The following PCDH15 variants were observed in gnomAD, a reference collection of about 807,000 sequenced individuals.
The protein encoded by PCDH15 is protocadherin-15.
A neutral mutation model predicts 178.5 loss-of-function variants in PCDH15; 129 were observed. The ratio of observed to expected loss-of-function variants is 0.72; its 90% CI spans 0.63 to 0.84. The LOEUF is 0.84. Ranked by LOEUF, PCDH15 falls within the 40% of genes least tolerant of loss-of-function variation. The probability of loss-of-function intolerance (pLI) is 0.00; values close to 1 mark genes in which losing one functional copy is unlikely to be tolerated. For missense variants in PCDH15, 2,230 were observed against 2,099.9 expected (o/e 1.06, Z -1.21); for synonymous variants, 800 against 732.0 (o/e 1.09, Z -1.50).
intron 2 of PCDH15, among the ~76,000 whole-genome samples, chr10:55,595,695 T>C (rs1184928281): frequency 6.6e-6 from 1 of 152,110 alleles, no homozygotes; most frequent in Non-Finnish European, 1.5e-5. Flanking sequence ...AGAGAATTCA[T>C]CCTGGCGTTA....
chr10:55,426,508 G>T (rs1255342582), intron 2 of PCDH15, among the ~76,000 whole-genome samples: 1 of 152,148 alleles, frequency 6.6e-6, no homozygotes, highest in African/African-American at 2.4e-5. Context: ...CTGTGGGGGT[G>T]CCCGCAAACC....
intron 8 of PCDH15, among the ~76,000 whole-genome samples, chr10:54,238,265 A>T (rs2134405963): frequency 6.6e-6 from 1 of 152,242 alleles, no homozygotes; most frequent in East Asian, 1.9e-4. Flanking sequence ...GTACTTTTAT[A>T]CAAAACCAGT....
intron 2 of PCDH15, among the ~76,000 whole-genome samples, chr10:55,154,346 C>T (rs1028721039): frequency 6.6e-6 from 1 of 151,998 alleles, no homozygotes; most frequent in Non-Finnish European, 1.5e-5. Context: ...TTAGGGATAA[C>T]GTGTATTCAT....
intron 13 of PCDH15, among the ~76,000 whole-genome samples, chr10:54,167,065 A>G (rs994136139): frequency 5.3e-5 from 8 of 152,134 alleles, no homozygotes; most frequent in Non-Finnish European, 8.8e-5. Context: ...CCTGGGTGAA[A>G]TAAACAGCCA....
At chr10:54,242,146 A>G (rs1260081008) in intron 8 of PCDH15, among the ~76,000 whole-genome samples, 1 of 65,154 alleles carries the variant, frequency 1.5e-5, no homozygotes, top group African/African-American at 8.4e-5. Context: ...ATATATATAT[A>G]TATATATATA....
chr10:54,261,515 T>G (rs1017026201), intron 8 of PCDH15, among the ~76,000 whole-genome samples: 1 of 152,070 alleles, frequency 6.6e-6, no homozygotes, highest in African/African-American at 2.4e-5. Flanking sequence ...ATGTTTAGGT[T>G]CATTAGAATT....
chr10:55,341,537 G>C (rs1844555381), intron 2 of PCDH15, among the ~76,000 whole-genome samples: 1 of 148,794 alleles, frequency 6.7e-6, no homozygotes, highest in Non-Finnish European at 1.5e-5. Flanking sequence ...TTATGAGGTA[G>C]ACACTATTAT....
Position 54,134,034 on chromosome 10 carries a change from C to CTTTA in PCDH15, c.1785-1031_1785-1028dup, listed in dbSNP as rs141155149. Among the ~76,000 whole-genome samples, 38 of 134,410 alleles carry CTTTA rather than the reference C, an allele frequency of 2.8e-4. 5 individuals are homozygous for CTTTA. The highest frequency in any genetic ancestry group is 1.9e-3 in the East Asian group (2 of 1,078). 88.2% of individuals were successfully genotyped at this position (134,410 alleles called of 152,430 possible). ...ATAATTTCTATTTGGGGATGAGAAT[C>CTTTA]TTTATTTATTTATTTATTTATTTAT... On this transcript the variant is annotated intron_variant, in intron 14 of 37. Transcript: ENST00000644397.
intron 2 of PCDH15, among the ~76,000 whole-genome samples, chr10:55,570,350 C>T (rs1220905989): frequency 6.6e-6 from 1 of 151,950 alleles, no homozygotes; most frequent in Non-Finnish European, 1.5e-5. Flanking sequence ...TAGAGCTAGT[C>T]TTCATAAGTG....
At chr10:54,650,912 G>T (rs181318150) in intron 2 of PCDH15, among the ~76,000 whole-genome samples, 2 of 152,224 alleles carry the variant, frequency 1.3e-5, no homozygotes, top group Admixed American at 6.5e-5. Context: ...TTTGGGTGAG[G>T]ACACAGCCAA....
chr10:54,794,127 ATATATATATATCT>A (rs1355725698), intron 1 of PCDH15, among the ~76,000 whole-genome samples: 2 of 145,872 alleles, frequency 1.4e-5, no homozygotes, highest in East Asian at 2.0e-4. Context: ...TATATATAAG[ATATATATATATCT>A]TATATATATC....
intron 2 of PCDH15, among the ~76,000 whole-genome samples, chr10:55,083,019 A>G (rs1205750352): frequency 1.3e-5 from 2 of 152,008 alleles, no homozygotes; most frequent in Non-Finnish European, 2.9e-5. Context: ...AAAATGAAAG[A>G]GTTCAGAATA....
intron 8 of PCDH15, among the ~76,000 whole-genome samples, chr10:54,258,726 G>A (rs2057096232): frequency 1.3e-5 from 2 of 151,824 alleles, no homozygotes; most frequent in Admixed American, 6.6e-5. Flanking sequence ...AATATCCAAC[G>A]TGAATAAAGT....
chr10:54,339,559 A>G (rs1054329774), intron 6 of PCDH15, among the ~76,000 whole-genome samples: 3 of 152,206 alleles, frequency 2.0e-5, no homozygotes, highest in Non-Finnish European at 4.4e-5. Flanking sequence ...TGAGAAAATG[A>G]ACTTATACAA....
chr10:54,592,751 G>T (rs1446654910), intron 2 of PCDH15, among the ~76,000 whole-genome samples: 1 of 152,072 alleles, frequency 6.6e-6, no homozygotes, highest in Non-Finnish European at 1.5e-5. Flanking sequence ...ATTTTTAATT[G>T]TTAAAGGAAT....
chr10:53,824,732 A>T (rs1425509696), intron 32 of PCDH15, among the ~76,000 whole-genome samples: 1 of 152,106 alleles, frequency 6.6e-6, no homozygotes, highest in Non-Finnish European at 1.5e-5. Context: ...GTAAACAAAC[A>T]TTTGTTCGTG....
intron 1 of PCDH15, among the ~76,000 whole-genome samples, chr10:54,688,286 ATTTTT>A (rs557307007): frequency 6.6e-6 from 1 of 151,048 alleles, no homozygotes; most frequent in African/African-American, 2.4e-5. Context: ...TGGGTAAGTC[ATTTTT>A]TTTTCTCTAA....
rs528585657 is a variant in PCDH15, at chr10:54,854,315, C to T, written c.-29+43135G>A. ...TCCCAGAGGGCTGCAACTCTTCTTT[C>T]CTTCTCTTCACCCACAATATGGTGA... On this transcript the variant is annotated intron_variant, in intron 3 of 5. Transcript: ENST00000458638. 2.0e-5 allele frequency among the ~76,000 whole-genome samples: 3 copies of T among 152,268 alleles called. No individual in the cohort carries two copies. In the South Asian group the frequency reaches 6.2e-4, roughly 32 times the overall value.
rs552098336 is a variant in PCDH15 at position 55,587,478 on chromosome 10, T to C, written c.-156+40147A>G. ...CTATGAGTGTTTCCATTAAATGCTA[T>C]GGTCTCACAGTTTTACATGCCTCTC... On this transcript the variant is annotated intron_variant, in intron 2 of 5. Coordinates refer to the PCDH15 transcript ENST00000613346. Among the ~76,000 whole-genome samples the C allele has an allele frequency of 3.3e-5, 5 of 152,254 alleles. No homozygotes were observed. The South Asian group carries it at 8.3e-4, about 25-fold the overall frequency.
Sources: gnomAD v4.1 joint callset for allele counts (sites outside exome capture counted in the v4.1 genomes callset) on GRCh38, gnomAD v4.1.1 for gene constraint, MANE v1.5 for transcripts, NCBI Gene and HGNC (gene_info 2026-07-23, HGNC 2026-07-21) for gene names.